The following KAZN variants were observed in gnomAD, a reference collection of about 807,000 sequenced individuals.
KAZN encodes the protein kazrin.
Under a neutral mutation model 87.4 loss-of-function variants are expected in KAZN, and 40 were observed. The observed-to-expected ratio is 0.46, with a 90% confidence interval of 0.36 to 0.60. The LOEUF is 0.60. Among genes scored for constraint, KAZN ranks in the 20% least tolerant of loss-of-function variants. KAZN has a pLI of 0.00. For missense variants in KAZN, 898 were observed against 1,073.9 expected (o/e 0.84, Z 2.29); for synonymous variants, 466 against 458.3 (o/e 1.02, Z -0.22).
chr1:15,071,328 T>C (rs1639497513), intron 8 of KAZN, among the ~76,000 whole-genome samples: 1 of 152,122 alleles, frequency 6.6e-6, no homozygotes, highest in Admixed American at 6.5e-5. Flanking sequence ...CTCGGCTCAC[T>C]GCAACCTTTG....
At chr1:14,465,327 A>C (rs1255754984) in intron 2 of KAZN, among the ~76,000 whole-genome samples, 2 of 133,266 alleles carry the variant, frequency 1.5e-5, no homozygotes, top group Non-Finnish European at 1.5e-5. Flanking sequence ...TGAACCCGGG[A>C]GGTGGAGCTG....
intron 1 of KAZN, among the ~76,000 whole-genome samples, chr1:14,068,120 TC>T (rs5772561): frequency 0.28 from 41,776 of 150,044 alleles, 5,937 homozygotes; most frequent in East Asian, 0.53. Flanking sequence ...GTGTTGATGT[TC>T]CCCCCCCCAA....
Position 15,094,368 on chromosome 1 carries a change from AAC to A in KAZN, c.1412_1413del (p.Asn471SerfsTer12). ...MPMYVKACTE[N>X]VKSGKVLLSL... ...TATGTACGTCAAGGCCTGCACGGAG[AAC>A]GTGAAGAGCGGGAAGGTAGGCAACT... is the stretch of plus-strand genomic sequence containing the variant. On this transcript the variant is annotated frameshift_variant, in exon 9 of 15. Coordinates refer to ENST00000376030, the MANE Select transcript of KAZN (RefSeq NM_201628.3). LOFTEE classifies it high-confidence loss of function. This position sits in a 1 kb window ranked among gnomAD's most constrained non-coding sequence, Gnocchi z 4.5. 1 of 1,613,272 alleles carries A rather than the reference AAC, an allele frequency of 6.2e-7. No individual in the cohort carries two copies. Among genetic ancestry groups the A allele is most frequent in the South Asian group, 1.1e-5 (1 of 90,942 alleles).
In KAZN at chr1:14,540,766, C is replaced by T. The variant is rs367612617; in HGVS notation, c.250-58217C>T. 7.2e-5 allele frequency among the ~76,000 whole-genome samples: 11 copies of T among 152,254 alleles called. No homozygotes were observed. The East Asian group carries it at 1.4e-3, about 19-fold the overall frequency. On this transcript the variant is annotated intron_variant, in intron 2 of 16. Transcript: ENST00000636203. ...GTTAAGCATGCAGAGGTTCCTGACACGTTGGAAAATAAATTTGCTTTGTCC... is the reference window on the plus strand; with the variant it reads ...GTTAAGCATGCAGAGGTTCCTGACATGTTGGAAAATAAATTTGCTTTGTCC...
chr1:14,112,942 G>A (rs1044967817), intron 1 of KAZN, among the ~76,000 whole-genome samples: 1 of 152,212 alleles, frequency 6.6e-6, no homozygotes, highest in Non-Finnish European at 1.5e-5. Context: ...CGGAAGAAAG[G>A]CAGTCTTGCC....
chr1:14,313,124 CACCACTGTA>C (rs1406929705), intron 2 of KAZN, among the ~76,000 whole-genome samples: 20 of 152,144 alleles, frequency 1.3e-4, no homozygotes, highest in African/African-American at 3.9e-4. Flanking sequence ...TAATCAAGCA[CACCACTGTA>C]ACCACTGATT....
At chr1:14,693,098 G>A (rs1428408025) in intron 1 of KAZN, among the ~76,000 whole-genome samples, 1 of 152,190 alleles carries the variant, frequency 6.6e-6, no homozygotes, top group Admixed American at 6.5e-5. Flanking sequence ...GTGTCCAAAA[G>A]CTCCATGTTG....
At chr1:14,551,771 G>C (rs1275492451) in intron 2 of KAZN, among the ~76,000 whole-genome samples, 1 of 152,140 alleles carries the variant, frequency 6.6e-6, no homozygotes, top group Non-Finnish European at 1.5e-5. Flanking sequence ...CCCTTCACTA[G>C]TGATGTTGAA....
intron 2 of KAZN, among the ~76,000 whole-genome samples, chr1:14,454,478 G>T (rs1309219037): frequency 1.3e-5 from 2 of 152,164 alleles, no homozygotes; most frequent in Admixed American, 1.3e-4. Flanking sequence ...ACTGTCTTCA[G>T]AATTCCCCAC....
chr1:13,964,912 G>T (rs1641888349), intron 1 of KAZN, among the ~76,000 whole-genome samples: 1 of 152,158 alleles, frequency 6.6e-6, no homozygotes, highest in South Asian at 2.1e-4. Flanking sequence ...ACTGACAGTT[G>T]GACAAAGACT....
intron 1 of KAZN, among the ~76,000 whole-genome samples, chr1:14,678,463 G>A (rs1241196832): frequency 2.6e-5 from 4 of 152,208 alleles, no homozygotes; most frequent in Non-Finnish European, 5.9e-5. Context: ...TTGGGACTTG[G>A]ACCGAGCCAC....
chr1:15,051,526 G>C (rs755589519), intron 4 of KAZN, among the ~76,000 whole-genome samples: 1 of 152,348 alleles, frequency 6.6e-6, no homozygotes. Context: ...TTGTGAAATA[G>C]AGACTCTTTA....
intron 1 of KAZN, among the ~76,000 whole-genome samples, chr1:14,662,941 G>A (rs1340280790): frequency 8.1e-6 from 1 of 123,080 alleles, no homozygotes; most frequent in Non-Finnish European, 1.7e-5. Flanking sequence ...TATTATATAT[G>A]TAAATATATA....
chr1:14,293,899 C>T (rs1653915408), intron 2 of KAZN, among the ~76,000 whole-genome samples: 1 of 152,170 alleles, frequency 6.6e-6, no homozygotes. Context: ...CCATTGTCCA[C>T]CTCTGCTTTC....
intron 2 of KAZN, among the ~76,000 whole-genome samples, chr1:14,970,178 A>G (rs1358476088): frequency 2.0e-5 from 3 of 152,194 alleles, no homozygotes; most frequent in African/African-American, 7.2e-5. Flanking sequence ...TTTGAGGTTT[A>G]CAGAAAAGTT....
chr1:14,279,082 C>T (rs1423864307), intron 2 of KAZN, among the ~76,000 whole-genome samples: 2 of 151,868 alleles, frequency 1.3e-5, no homozygotes, highest in Non-Finnish European at 2.9e-5. Context: ...AGACATAAGG[C>T]GTTTCAAATG....
chr1:13,916,451 A>G (rs1639855052), intron 1 of KAZN, among the ~76,000 whole-genome samples: 1 of 151,952 alleles, frequency 6.6e-6, no homozygotes, highest in Admixed American at 6.6e-5. Context: ...CTTAGTATGG[A>G]TGGTAGGTGC....
In KAZN at chr1:14,054,629, C is replaced by T. The variant is rs77371139; in HGVS notation, c.92-125806C>T. ...TTTAATAAAAGAGATGACATAAGGA[C>T]CTGGAAAATGATACATTAAGATAGG... On this transcript the variant is annotated intron_variant, in intron 1 of 16. Transcript: ENST00000636203. 5.0e-3 allele frequency among the ~76,000 whole-genome samples: 766 copies of T among 152,120 alleles called. 26 individuals carry two copies. The East Asian group carries it at 0.071, about 14-fold the overall frequency.
chr1:13,983,512 G>A (rs552141196), intron 1 of KAZN, among the ~76,000 whole-genome samples: 10 of 152,286 alleles, frequency 6.6e-5, no homozygotes, highest in African/African-American at 2.4e-4. Flanking sequence ...CCGCAAGCAC[G>A]GCACACAGCC....
Sources: allele counts gnomAD v4.1 joint callset (sites outside exome capture counted in the v4.1 genomes callset), GRCh38; gene constraint gnomAD v4.1.1; non-coding constraint Gnocchi (gnomAD v3.1); transcripts MANE v1.5; gene names NCBI Gene and HGNC (gene_info 2026-07-23, HGNC 2026-07-21).